The following LRRK1 variants were observed in gnomAD, a reference collection of about 807,000 sequenced individuals.
LRRK1 encodes leucine rich repeat kinase 1, also known as leucine-rich repeat serine/threonine-protein kinase 1.
In LRRK1, 113 loss-of-function variants were observed where a neutral mutation model predicts 209.1. The ratio of observed to expected loss-of-function variants is 0.54; its 90% confidence interval spans 0.46 to 0.63. The LOEUF (loss-of-function observed/expected upper bound fraction) is 0.63, where lower values mean the gene tolerates loss of function less well. Among genes scored for constraint, LRRK1 ranks in the 30% least tolerant of loss-of-function variants. The pLI, the probability that LRRK1 is intolerant of heterozygous loss-of-function variation, is 0.00. For synonymous variants in LRRK1, 1,144 were observed against 1,099.7 expected (o/e 1.04, Z -0.80); for missense variants, 2,284 against 2,632.2 (o/e 0.87, Z 2.89).
intron 3 of LRRK1, among the ~76,000 whole-genome samples, chr15:100,974,655 A>C (rs2031188476): frequency 6.6e-6 from 1 of 152,218 alleles, no homozygotes; most frequent in African/African-American, 2.4e-5. Flanking sequence ...ATCTCTTACT[A>C]ATATAAACGA....
chr15:100,952,742 C>A (rs2042679482), intron 2 of LRRK1, among the ~76,000 whole-genome samples: 1 of 152,226 alleles, frequency 6.6e-6, no homozygotes, highest in Admixed American at 6.5e-5. Context: ...CACGTTTTAT[C>A]ACAGTAATCA....
intron 6 of LRRK1, among the ~76,000 whole-genome samples, chr15:101,008,463 G>T (rs1052947168): frequency 5.9e-5 from 9 of 152,188 alleles, no homozygotes; most frequent in African/African-American, 9.7e-5. Context: ...TCTCCAGTCT[G>T]GGGGAGGCGC....
chr15:100,981,793 T>TGGTGA (rs1251840073), intron 3 of LRRK1, among the ~76,000 whole-genome samples: 2 of 152,266 alleles, frequency 1.3e-5, no homozygotes, highest in Non-Finnish European at 2.9e-5. Flanking sequence ...ATCTGGCACC[T>TGGTGA]GGTGAGAGCT....
chr15:100,961,524 G>A (rs8028993), intron 2 of LRRK1, among the ~76,000 whole-genome samples: 40,890 of 151,762 alleles, frequency 0.27, 5,732 homozygotes, highest in East Asian at 0.51. Context: ...ATGGTGGTGC[G>A]TGCCTGTAAT....
In LRRK1 at chr15:101,065,648, G is replaced by A. The variant is rs376774894; in HGVS notation, c.5211G>A (p.Thr1737=). 2.4e-5 allele frequency: 38 copies of A among 1,614,002 alleles called. No homozygotes were observed. Among genetic ancestry groups the A allele is most frequent in the Non-Finnish European group, 3.0e-5 (35 of 1,180,040 alleles). The change falls in exon 32 of 34, where the codon ACG becomes ACA. Residue 1737 remains threonine (T), a synonymous_variant. Coordinates refer to ENST00000388948, the MANE Select transcript of LRRK1 (RefSeq NM_024652.6). ...LEPYMAPSMV[T]SVVCSSEGRG... ...CCTACATGGCCCCCTCCATGGTTAC[G>A]TCAGTCGTGTGCAGCTCTGAGGGCA...
chr15:100,941,434 G>C (rs76760606), intron 2 of LRRK1, among the ~76,000 whole-genome samples: 669 of 7,604 alleles, frequency 0.088, 95 homozygotes, highest in Middle Eastern at 0.17. Context: ...GTGTCTGTGT[G>C]TGTGTGTGTG....
chr15:100,926,378 C>G (rs983863525), intron 2 of LRRK1, among the ~76,000 whole-genome samples: 1 of 152,008 alleles, frequency 6.6e-6, no homozygotes, highest in Non-Finnish European at 1.5e-5. Context: ...CCCTGAGGGA[C>G]GAGGGTGGGG....
At chr15:101,029,687 G>A (rs1319041588) in intron 20 of LRRK1, among the ~76,000 whole-genome samples, 1 of 152,082 alleles carries the variant, frequency 6.6e-6, no homozygotes, top group Non-Finnish European at 1.5e-5. Flanking sequence ...GACCAACATG[G>A]TGAAACCCCG....
intron 3 of LRRK1, chr15:100,974,292 G>T: frequency 4.0e-6 from 1 of 249,828 alleles, no homozygotes; most frequent in Non-Finnish European, 7.6e-6. Context: ...ATAAAAAGTA[G>T]CACATGCTGG....
At chr15:101,053,129 T>G in intron 25 of LRRK1, 41 bp downstream of exon 25, 1 of 1,592,982 alleles carries the variant, frequency 6.3e-7, no homozygotes, top group Non-Finnish European at 8.5e-7. Context: ...CTCAGACATA[T>G]GCTGCCCGGG....
chr15:100,953,976 C>T (rs746339544), intron 2 of LRRK1, among the ~76,000 whole-genome samples: 4 of 152,062 alleles, frequency 2.6e-5, no homozygotes, highest in African/African-American at 7.2e-5. Flanking sequence ...AGGGCAGTGG[C>T]ACAATCTCGG....
intron 2 of LRRK1, among the ~76,000 whole-genome samples, chr15:100,932,321 A>G (rs1296823593): frequency 1.3e-5 from 2 of 152,168 alleles, no homozygotes; most frequent in Non-Finnish European, 2.9e-5. Context: ...TCCAAAGCAC[A>G]TGTATGGTTA....
intron 2 of LRRK1, among the ~76,000 whole-genome samples, chr15:100,934,620 T>C (rs1227586638): frequency 1.3e-5 from 1 of 76,582 alleles, no homozygotes; most frequent in African/African-American, 5.6e-5. Context: ...CAAAACCCCA[T>C]CTCTACAAAA....
chr15:101,005,768 T>C lies in LRRK1; in HGVS notation c.763-3069T>C, dbSNP rs116059042. Among the ~76,000 whole-genome samples, 1,108 of 151,592 alleles carry C rather than the reference T, an allele frequency of 7.3e-3. 15 individuals are homozygous for C. The highest frequency in any genetic ancestry group is 0.026 in the African/African-American group (1,073 of 41,134). On this transcript the variant is annotated intron_variant, in intron 6 of 33. Coordinates refer to ENST00000388948, the MANE Select transcript of LRRK1 (RefSeq NM_024652.6). The stretch of plus-strand genomic sequence containing the variant: ...CCCAGTGGGGCTCCCCCTGGACAAA[T>C]TGGGGATGACTTGGGTGTCAAAAAA...
chr15:100,920,580 C>G (rs1475776741), intron 1 of LRRK1, among the ~76,000 whole-genome samples: 1 of 152,142 alleles, frequency 6.6e-6, no homozygotes. Flanking sequence ...CTCGGATCCT[C>G]AGATAAAAAA....
chr15:101,067,526 C>T (rs1381974436), intron 33 of LRRK1: 1 of 266,788 alleles, frequency 3.7e-6, no homozygotes, highest in Non-Finnish European at 7.8e-6. Context: ...TATCCCCCAT[C>T]CCTGGGCAAG....
At chr15:101,014,450 C>T (rs1258234964) in intron 11 of LRRK1, 22 bp downstream of exon 11, 2 of 1,525,430 alleles carry the variant, frequency 1.3e-6, no homozygotes, top group East Asian at 2.2e-5. Flanking sequence ...CCTCTCCTCC[C>T]TGGCCAGTTC....
At chr15:100,947,952 G>A (rs1410736334) in intron 2 of LRRK1, among the ~76,000 whole-genome samples, 1 of 152,220 alleles carries the variant, frequency 6.6e-6, no homozygotes, top group African/African-American at 2.4e-5. Context: ...GGAAACTCCA[G>A]CCTGGAATCT....
Position 100,956,455 on chromosome 15 carries a change from C to CTTTTTCTTTTCTTTTCTTTTT in LRRK1, c.98-17344_98-17343insCTTTTCTTTTCTTTTTTTTTT. ...TTCGCTTTTCTTTCCTTTTTTTTTT[C>CTTTTTCTTTTCTTTTCTTTTT]TTTTTTTTTTTTTTTTTTGAGACAG... On this transcript the variant is annotated intron_variant, in intron 2 of 33. Transcript: ENST00000388948. Among the ~76,000 whole-genome samples, 119 of 60,508 alleles carry CTTTTTCTTTTCTTTTCTTTTT rather than the reference C, an allele frequency of 2.0e-3. 3 individuals carry two copies. Among genetic ancestry groups the CTTTTTCTTTTCTTTTCTTTTT allele is most frequent in the Non-Finnish European group, 2.8e-3 (98 of 34,770 alleles). 39.7% of individuals were successfully genotyped at this position (60,508 alleles called of 152,430 possible). A position where few individuals can be genotyped will look rare whatever the true frequency, so the allele number is the denominator to read the frequency against.
Sources: allele counts gnomAD v4.1 joint callset (sites outside exome capture counted in the v4.1 genomes callset), GRCh38; gene constraint gnomAD v4.1.1; transcripts MANE v1.5; gene names NCBI Gene and HGNC (gene_info 2026-07-23, HGNC 2026-07-21).